METTL14: variants seen among roughly 807,000 people sequenced by gnomAD.
METTL14 encodes N(6)-adenosine-methyltransferase non-catalytic subunit METTL14.
Under a neutral mutation model 62.4 loss-of-function variants are expected in METTL14, and 32 were observed. The ratio of observed to expected loss-of-function variants is 0.51; its 90% CI spans 0.39 to 0.69. The LOEUF is 0.69. Among genes scored for constraint, METTL14 ranks in the 30% least tolerant of loss-of-function variants. The pLI is 0.00. For missense variants in METTL14, 340 were observed against 551.9 expected (o/e 0.62, Z 3.85); for synonymous variants, 150 against 180.0 (o/e 0.83, Z 1.34).
chr4:118,713,048 ACAG>A lies in METTL14; in HGVS notation c.*2749_*2751del, dbSNP rs1371381266. 2.6e-5 allele frequency: 4 copies of A among 152,268 alleles called. No individual in the cohort carries two copies. The East Asian group carries it at 7.7e-4, about 29-fold the overall frequency. The allele number at this position is 152,268 out of a possible 1,614,324, so 9.4% of individuals were successfully genotyped here. A position where few individuals can be genotyped will look rare whatever the true frequency, so the allele number is the denominator to read the frequency against. ...CAGAATGTAATACGGTCATCATGAA[ACAG>A]CACAGTGTGAGAGGTCAAGGTGTCA... On this transcript the variant is annotated 3_prime_UTR_variant, in exon 11 of 11. Coordinates refer to ENST00000388822, the MANE Select transcript of METTL14 (RefSeq NM_020961.4).
chr4:118,694,066 AT>A (rs397816626), intron 5 of METTL14, among the ~76,000 whole-genome samples: 193 of 136,688 alleles, frequency 1.4e-3, no homozygotes, highest in East Asian at 7.3e-3. Flanking sequence ...TAGGATAAGG[AT>A]TTTTTTTTTT....
At chr4:118,697,079 A>G in intron 6 of METTL14, 103 bp from the exon 7 acceptor site, 1 of 810,628 alleles carries the variant, frequency 1.2e-6, no homozygotes. Flanking sequence ...ATGTTTAGTG[A>G]TATCTAAGAC....
rs1416937670 is a variant in METTL14 at position 118,715,182 on chromosome 4, ATT to A, written c.*4884_*4885del. 6.6e-6 allele frequency: 1 copy of A among 152,188 alleles called. No homozygotes were observed. The highest frequency in any genetic ancestry group is 1.5e-5 in the Non-Finnish European group (1 of 68,040). 9.4% of individuals were successfully genotyped at this position (152,188 alleles called of 1,614,324 possible). ...TTTTAGATAATCCTTACCTGTACAG[ATT>A]TTTATAACTGTTGTTATCATAAGAG... On this transcript the variant is annotated 3_prime_UTR_variant, in exon 11 of 11. Transcript: ENST00000388822.
intron 6 of METTL14, among the ~76,000 whole-genome samples, chr4:118,696,866 T>A (rs534842796): frequency 6.6e-6 from 1 of 152,166 alleles, no homozygotes; most frequent in East Asian, 1.9e-4. Flanking sequence ...CACATCTGAG[T>A]ATGGATTTTT....
intron 10 of METTL14, among the ~76,000 whole-genome samples, chr4:118,706,427 T>G (rs1476453958): frequency 6.6e-6 from 1 of 152,220 alleles, no homozygotes; most frequent in Non-Finnish European, 1.5e-5. Flanking sequence ...GTTTGATAGG[T>G]CATTTCTTTT....
intron 3 of METTL14, 74 bp downstream of exon 3, chr4:118,689,531 C>A: frequency 2.5e-6 from 2 of 798,034 alleles, no homozygotes; most frequent in Non-Finnish European, 3.9e-6. Flanking sequence ...TCCAGGAAAA[C>A]AAATTTGATG....
At chr4:118,698,197 G>A (rs1328967179) in intron 7 of METTL14, among the ~76,000 whole-genome samples, 1 of 152,116 alleles carries the variant, frequency 6.6e-6, no homozygotes, top group Non-Finnish European at 1.5e-5. Flanking sequence ...TCTCATGCCT[G>A]TAATCCCAGC....
At position 118,714,773 on chromosome 4, in the gene METTL14, G is replaced by A. The variant is rs1725008145; in HGVS notation, c.*4471G>A. 6.6e-6 allele frequency: 1 copy of A among 152,204 alleles called. No individual in the cohort carries two copies. Among genetic ancestry groups the A allele is most frequent in the Non-Finnish European group, 1.5e-5 (1 of 68,092 alleles). 9.4% of individuals were successfully genotyped at this position (152,204 alleles called of 1,614,324 possible). ...AGCTAATTTTAGTATTCTTAGTAGA[G>A]ACAGGATTTCACCATGTTGGCCAGG... is the stretch of plus-strand genomic sequence containing the variant. On this transcript the variant is annotated 3_prime_UTR_variant, in exon 11 of 11. Transcript: ENST00000388822.
rs369156784 is a variant in METTL14 at position 118,686,787 on chromosome 4, A to G, written c.67-1136A>G. 8 of 368,076 alleles carry G rather than the reference A, an allele frequency of 2.2e-5. No homozygotes were observed. The East Asian group carries it at 4.4e-4, about 20-fold the overall frequency. 22.8% of individuals were successfully genotyped at this position (368,076 alleles called of 1,614,324 possible). On this transcript the variant is annotated intron_variant, in intron 1 of 10. Coordinates refer to ENST00000388822, the MANE Select transcript of METTL14 (RefSeq NM_020961.4). Reference sequence around the variant, plus strand: ...TCTATTTGACTCAATATACATTCATAGGACAATTATTTGTTTAGTGTTTTA... The same window carrying G: ...TCTATTTGACTCAATATACATTCATGGGACAATTATTTGTTTAGTGTTTTA...
chr4:118,692,028 A>G lies in METTL14; in HGVS notation c.372A>G (p.Val124=), dbSNP rs1441081840. The part of the protein sequence containing the change: ...NPHNDYCQHF[V]DTGHRPQNFI... ...ATAATGATTACTGCCAACATTTTGT[A>G]GACACTGGACATAGACCTCAGAATT... The change falls in exon 5 of 11, where the codon GTA becomes GTG. Residue 124 remains valine (V), a synonymous_variant. Transcript: ENST00000388822. 4 of 1,612,416 alleles carry G rather than the reference A, an allele frequency of 2.5e-6. No individual in the cohort carries two copies. Among genetic ancestry groups the G allele is most frequent in the Non-Finnish European group, 3.4e-6 (4 of 1,179,210 alleles).
intron 8 of METTL14, among the ~76,000 whole-genome samples, chr4:118,703,081 G>A (rs190069690): frequency 1.1e-3 from 165 of 151,702 alleles, no homozygotes; most frequent in South Asian, 1.0e-3. Context: ...ATCTACATTA[G>A]GTATTTCTCC....
At chr4:118,702,559 T>A (rs1445541960) in intron 8 of METTL14, among the ~76,000 whole-genome samples, 1 of 152,106 alleles carries the variant, frequency 6.6e-6, no homozygotes, top group African/African-American at 2.4e-5. Flanking sequence ...GCAGATCACT[T>A]GAGGCCAGGA....
chr4:118,707,537 GC>G lies in METTL14; in HGVS notation c.1066+1718del, dbSNP rs573010722. 1.2e-3 allele frequency among the ~76,000 whole-genome samples: 180 copies of G among 150,052 alleles called. 1 individual carries two copies. In the Middle Eastern group the frequency reaches 0.017, roughly 14 times the overall value. On this transcript the variant is annotated intron_variant, in intron 10 of 10. Coordinates refer to ENST00000388822, the MANE Select transcript of METTL14 (RefSeq NM_020961.4). ...AAATTAGCTGGGTGTGGTGGTGTGTGCCTGTAATCCCAGCTACTTGGGAGGC... is the reference window on the plus strand; with the variant it reads ...AAATTAGCTGGGTGTGGTGGTGTGTGCTGTAATCCCAGCTACTTGGGAGGC...
chr4:118,707,155 G>A (rs1195128768), intron 10 of METTL14, among the ~76,000 whole-genome samples: 1 of 152,006 alleles, frequency 6.6e-6, no homozygotes, highest in Admixed American at 6.6e-5. Flanking sequence ...TGATATTCAG[G>A]TTAGGGGTAC....
rs1725000478 is a variant in METTL14 at position 118,714,368 on chromosome 4, GAA to G, written c.*4067_*4068del. ...TCTCAGGCCATAGCAACTATAGAGA[GAA>G]GAGTGGGGCTGGAGACCTCATACCC... is the stretch of plus-strand genomic sequence containing the variant. On this transcript the variant is annotated 3_prime_UTR_variant, in exon 11 of 11. Coordinates refer to ENST00000388822, the MANE Select transcript of METTL14 (RefSeq NM_020961.4). The G allele has an allele frequency of 6.6e-6, 1 of 152,188 alleles. No individual in the cohort carries two copies. Among genetic ancestry groups the G allele is most frequent in the Admixed American group, 6.5e-5 (1 of 15,280 alleles). 9.4% of individuals were successfully genotyped at this position (152,188 alleles called of 1,614,324 possible).
chr4:118,697,909 T>A (rs1724463489), intron 7 of METTL14, among the ~76,000 whole-genome samples: 1 of 151,838 alleles, frequency 6.6e-6, no homozygotes, highest in Non-Finnish European at 1.5e-5. Flanking sequence ...CCAAGAAAGA[T>A]GTGGGACGGC....
chr4:118,706,441 T>C (rs1192773343), intron 10 of METTL14, among the ~76,000 whole-genome samples: 4 of 152,252 alleles, frequency 2.6e-5, no homozygotes, highest in African/African-American at 7.2e-5. Context: ...TTCTTTTTAG[T>C]GCCGAATAAT....
intron 9 of METTL14, among the ~76,000 whole-genome samples, chr4:118,704,607 G>A (rs1386840225): frequency 6.6e-6 from 1 of 152,126 alleles, no homozygotes; most frequent in African/African-American, 2.4e-5. Flanking sequence ...CCCAAGATGG[G>A]TTGGAGAGCT....
intron 6 of METTL14, 46 bp downstream of exon 6, chr4:118,694,572 A>C: frequency 7.1e-7 from 1 of 1,409,758 alleles, no homozygotes; most frequent in Non-Finnish European, 1.0e-6. Context: ...CTCAGGCTTA[A>C]AGTATCAGTT....
Sources: allele counts gnomAD v4.1 joint callset (sites outside exome capture counted in the v4.1 genomes callset), GRCh38; gene constraint gnomAD v4.1.1; transcripts MANE v1.5; gene names NCBI Gene and HGNC (gene_info 2026-07-23, HGNC 2026-07-21).